The following PHC3 variants were observed in gnomAD, a reference collection of about 807,000 sequenced individuals.
The protein encoded by PHC3 is polyhomeotic-like protein 3.
In PHC3, 13 loss-of-function variants were observed where a neutral mutation model predicts 107.4. The ratio of observed to expected loss-of-function variants is 0.12; its 90% CI spans 0.08 to 0.19. The LOEUF (loss-of-function observed/expected upper bound fraction) is 0.19, where lower values mean the gene tolerates loss of function less well. PHC3 is among the 10% of genes least tolerant of loss of function. The pLI is 1.00. For missense variants in PHC3, 992 were observed against 1,210.9 expected, an observed-to-expected ratio of 0.82 and a Z score of 2.68; for synonymous variants, 456 against 427.4, an observed-to-expected ratio of 1.07 and a Z score of -0.83.
intron 2 of PHC3, among the ~76,000 whole-genome samples, chr3:170,177,548 G>A (rs1171238671): frequency 6.6e-6 from 1 of 151,980 alleles, no homozygotes. Flanking sequence ...TGTATTCTTA[G>A]TAGAGACGGG....
intron 10 of PHC3, among the ~76,000 whole-genome samples, chr3:170,116,152 C>T (rs192408572): frequency 1.3e-5 from 2 of 152,260 alleles, no homozygotes; most frequent in Non-Finnish European, 2.9e-5. Flanking sequence ...TTGAGCGGGA[C>T]ATTTTAAAGC....
chr3:170,103,874 T>A (rs979752564), intron 12 of PHC3, among the ~76,000 whole-genome samples: 3 of 152,016 alleles, frequency 2.0e-5, no homozygotes, highest in Non-Finnish European at 4.4e-5. Context: ...GCAAGACCAG[T>A]TCAAGGCCAA....
Position 170,129,513 on chromosome 3 carries a change from T to C in PHC3, c.959A>G (p.His320Arg), listed in dbSNP as rs1339166489. 13 of 1,613,800 alleles carry C rather than the reference T, an allele frequency of 8.1e-6. No individual in the cohort carries two copies. Among genetic ancestry groups the C allele is most frequent in the Non-Finnish European group, 1.0e-5 (12 of 1,179,774 alleles). ...TGGTGAATGAAGAGGAATCTGCTGA[T>C]GTTTTATTAGAGAATGAGGCTGAAT... Reference protein sequence around the residue: ...SPIQPHSLIKHQQIPLHSPPS... With the variant: ...SPIQPHSLIKRQQIPLHSPPS... Residue 320 changes from histidine (H) to arginine (R), a missense_variant, in exon 8 of 15, where the codon CAT (histidine) becomes CGT (arginine). Physicochemically the swap from His to Arg is conservative, Grantham distance 29 (BLOSUM62 0). Coordinates refer to ENST00000495893, the MANE Select transcript of PHC3 (RefSeq NM_024947.4).
At chr3:170,101,425 T>A (rs111666972) in intron 14 of PHC3, among the ~76,000 whole-genome samples, 2 of 152,212 alleles carry the variant, frequency 1.3e-5, no homozygotes, top group Admixed American at 1.3e-4. Context: ...AAGACTTTAG[T>A]TGCCATCAGA....
rs1259786002 is a variant in PHC3, at chr3:170,097,806, G to T, written c.2834-422C>A. On this transcript the variant is annotated intron_variant, in intron 14 of 14. Transcript: ENST00000495893. The surrounding 1 kb of genome is among the most constrained non-coding windows in gnomAD (Gnocchi z 4.1). The stretch of plus-strand genomic sequence containing the variant: ...TAAAGAGGAAACAAAAATATGTTTT[G>T]TCATTTAAATAACAATCTAGAAATA... Among the ~76,000 whole-genome samples, 1 of 152,078 alleles carries T rather than the reference G, an allele frequency of 6.6e-6. No individual in the cohort carries two copies. The highest frequency in any genetic ancestry group is 1.9e-4 in the East Asian group (1 of 5,192).
At chr3:170,148,404 A>G (rs1725361638) in intron 5 of PHC3, 1 of 152,250 alleles carries the variant, frequency 6.6e-6, no homozygotes, top group South Asian at 2.1e-4. Flanking sequence ...AAAGACATCA[A>G]ATAAAATACA....
chr3:170,118,059 G>A (rs746110227), intron 9 of PHC3, among the ~76,000 whole-genome samples: 19 of 152,110 alleles, frequency 1.2e-4, no homozygotes, highest in Non-Finnish European at 2.2e-4. Flanking sequence ...AATGTTTTAA[G>A]ATATAAACTT....
intron 14 of PHC3, among the ~76,000 whole-genome samples, chr3:170,098,203 A>C (rs192893713): frequency 6.6e-6 from 1 of 152,304 alleles, no homozygotes; most frequent in Non-Finnish European, 1.5e-5. Context: ...CATCCAAATT[A>C]CTCAATAAAC....
intron 14 of PHC3, among the ~76,000 whole-genome samples, chr3:170,099,341 A>C (rs1322748205): frequency 1.3e-5 from 2 of 152,212 alleles, no homozygotes; most frequent in Non-Finnish European, 2.9e-5. Flanking sequence ...TCTTAAGCTA[A>C]CCACAAAAAA....
intron 12 of PHC3, 84 bp downstream of exon 12, chr3:170,106,748 C>T: frequency 2.9e-6 from 2 of 699,032 alleles, no homozygotes; most frequent in South Asian, 5.1e-5. Context: ...TATAGTTATC[C>T]TTGGTAAGCT....
At chr3:170,151,411 T>C (rs1351752532) in intron 4 of PHC3, among the ~76,000 whole-genome samples, 2 of 152,098 alleles carry the variant, frequency 1.3e-5, no homozygotes, top group South Asian at 2.1e-4. Flanking sequence ...ACTGAAATGC[T>C]AGATCAACAT....
intron 4 of PHC3, among the ~76,000 whole-genome samples, chr3:170,160,541 T>C (rs1455967280): frequency 6.6e-6 from 1 of 152,208 alleles, no homozygotes; most frequent in Non-Finnish European, 1.5e-5. Context: ...TTAGAAACTC[T>C]ACTATAACTC....
intron 4 of PHC3, chr3:170,171,096 T>C (rs1729513623): frequency 6.3e-6 from 3 of 473,968 alleles, no homozygotes; most frequent in Non-Finnish European, 1.1e-5. Context: ...AGGCTTTCAA[T>C]ACACACAGAA....
At chr3:170,146,160 A>C (rs990786202) in intron 5 of PHC3, among the ~76,000 whole-genome samples, 8 of 152,162 alleles carry the variant, frequency 5.3e-5, no homozygotes, top group African/African-American at 1.9e-4. Flanking sequence ...GGATCACTGG[A>C]GGTCAGGAGT....
chr3:170,133,323 AGC>A (rs1481840036), intron 7 of PHC3, among the ~76,000 whole-genome samples: 2 of 151,614 alleles, frequency 1.3e-5, no homozygotes, highest in African/African-American at 4.9e-5. Context: ...GAATTACAAG[AGC>A]GCGCCACCAT....
At chr3:170,175,753 T>C (rs1417070677) in intron 2 of PHC3, among the ~76,000 whole-genome samples, 3 of 150,640 alleles carry the variant, frequency 2.0e-5, no homozygotes, top group South Asian at 4.2e-4. Flanking sequence ...TGAAGCCCCA[T>C]CTCTACTAAA....
chr3:170,161,757 T>C (rs529474774), intron 4 of PHC3, among the ~76,000 whole-genome samples: 3 of 152,352 alleles, frequency 2.0e-5, no homozygotes, highest in Non-Finnish European at 4.4e-5. Context: ...GTTTCTGGTG[T>C]GGGCTCTCCT....
intron 2 of PHC3, among the ~76,000 whole-genome samples, chr3:170,175,242 CAG>C (rs924718397): frequency 9.9e-5 from 15 of 152,134 alleles, no homozygotes; most frequent in Admixed American, 2.6e-4. Flanking sequence ...TCATAAGAAA[CAG>C]AGTCAGTGCT....
At chr3:170,129,802 C>G (rs1038791359) in intron 7 of PHC3, among the ~76,000 whole-genome samples, 1 of 152,042 alleles carries the variant, frequency 6.6e-6, no homozygotes, top group Non-Finnish European at 1.5e-5. Context: ...CTGGTTCAAG[C>G]GATTCTCCTG....
Sources: allele counts gnomAD v4.1 joint callset (sites outside exome capture counted in the v4.1 genomes callset), GRCh38; gene constraint gnomAD v4.1.1; non-coding constraint Gnocchi (gnomAD v3.1); transcripts MANE v1.5; gene names NCBI Gene and HGNC (gene_info 2026-07-23, HGNC 2026-07-21).